GPC3: variants seen among roughly 807,000 people sequenced by gnomAD.
GPC3 encodes glypican 3, also known as glypican-3.
A neutral mutation model predicts 34.4 loss-of-function variants in GPC3; 3 were observed. The ratio of observed to expected loss-of-function variants is 0.09; its 90% CI spans 0.04 to 0.23. The LOEUF is 0.23. GPC3 is among the 10% of genes least tolerant of loss of function. The probability of loss-of-function intolerance (pLI) is 1.00; values close to 1 mark genes in which losing one functional copy is unlikely to be tolerated. For missense variants in GPC3, 351 were observed against 445.6 expected (o/e 0.79, Z 1.91); for synonymous variants, 177 against 174.0 (o/e 1.02, Z -0.13).
chrX:133,834,238 T>A (rs1308450126), intron 2 of GPC3, among the ~76,000 whole-genome samples: 1 of 111,513 alleles, frequency 9.0e-6, no homozygotes, highest in East Asian at 2.8e-4. Context: ...ACATGGCAGA[T>A]GCAGACTGCA....
intron 2 of GPC3, among the ~76,000 whole-genome samples, chrX:133,892,580 CT>C (rs2076092720): frequency 9.0e-6 from 1 of 110,762 alleles, no homozygotes; most frequent in East Asian, 2.8e-4. Context: ...GATGCTTGGA[CT>C]TTTTTGTTTT....
intron 7 of GPC3, among the ~76,000 whole-genome samples, chrX:133,536,618 T>A (rs993903473): frequency 9.1e-6 from 1 of 110,118 alleles, no homozygotes; most frequent in African/African-American, 3.3e-5. Flanking sequence ...CTTTGCAACA[T>A]CTCCTCCCAG....
rs187748455 is a variant in GPC3, at chrX:133,733,263, A to G, written c.1032+20219T>C. 7.2e-5 allele frequency among the ~76,000 whole-genome samples: 8 copies of G among 110,884 alleles called. No homozygotes were observed. In the East Asian group the frequency reaches 2.3e-3, roughly 32 times the overall value. On this transcript the variant is annotated intron_variant, in intron 3 of 7. Coordinates refer to ENST00000370818, the MANE Select transcript of GPC3 (RefSeq NM_004484.4). ...TATATACAAAGGCATGCAAAGTGAT[A>G]TAATGGACTTTAGGGACTCAGAAGG...
intron 2 of GPC3, among the ~76,000 whole-genome samples, chrX:133,767,172 T>G (rs995177446): frequency 2.7e-5 from 3 of 111,821 alleles, no homozygotes; most frequent in African/African-American, 9.8e-5. Flanking sequence ...TAAGTAAACT[T>G]AATACCTCAG....
intron 7 of GPC3, among the ~76,000 whole-genome samples, chrX:133,595,257 G>A (rs1020542622): frequency 1.1e-4 from 12 of 111,220 alleles, no homozygotes; most frequent in African/African-American, 3.9e-4. Context: ...GGGTGATAGG[G>A]TTTTAAGGAG....
At chrX:133,674,673 GAGTGACC>G (rs1224346975) in intron 5 of GPC3, among the ~76,000 whole-genome samples, 2 of 111,440 alleles carry the variant, frequency 1.8e-5, no homozygotes, top group Non-Finnish European at 3.8e-5. Flanking sequence ...AAAGTTTCCT[GAGTGACC>G]AGCTTTGGGT....
chrX:133,660,979 G>C (rs1277553098), intron 6 of GPC3, among the ~76,000 whole-genome samples: 1 of 110,421 alleles, frequency 9.1e-6, no homozygotes, highest in African/African-American at 3.3e-5. Context: ...GACCAGCCTG[G>C]GCAACATAGT....
chrX:133,762,668 C>A, intron 2 of GPC3: 1 of 300,181 alleles, frequency 3.3e-6, no homozygotes, highest in Non-Finnish European at 5.9e-6. Context: ...GATGAGATAC[C>A]ATCTCACACC....
At chrX:133,901,255 G>C (rs191543672) in intron 2 of GPC3, among the ~76,000 whole-genome samples, 7 of 110,560 alleles carry the variant, frequency 6.3e-5, no homozygotes, top group African/African-American at 2.3e-4. Context: ...CATTAACCTA[G>C]GTGAATTTTT....
At chrX:133,686,696 C>T (rs1251315501) in intron 5 of GPC3, among the ~76,000 whole-genome samples, 1 of 109,306 alleles carries the variant, frequency 9.1e-6, no homozygotes, top group Non-Finnish European at 1.9e-5. Flanking sequence ...GGTTGTACAA[C>T]ATTGTGAATG....
chrX:133,684,006 T>C (rs2070971715), intron 5 of GPC3, among the ~76,000 whole-genome samples: 2 of 112,456 alleles, frequency 1.8e-5, no homozygotes, highest in East Asian at 2.8e-4. Context: ...AAATATTTCA[T>C]GCTATACCAA....
chrX:133,773,914 C>T, intron 2 of GPC3, among the ~76,000 whole-genome samples: 1 of 111,824 alleles, frequency 8.9e-6, no homozygotes, highest in Admixed American at 9.5e-5. Flanking sequence ...TCCCTTCAAG[C>T]ATTGTAATTC....
chrX:133,927,431 G>T (rs2076280281), intron 2 of GPC3, among the ~76,000 whole-genome samples: 1 of 110,450 alleles, frequency 9.1e-6, no homozygotes, highest in African/African-American at 3.3e-5. Context: ...AGTGTATGCA[G>T]CTGACAATAT....
At chrX:133,847,860 G>T (rs183362759) in intron 2 of GPC3, among the ~76,000 whole-genome samples, 1 of 111,795 alleles carries the variant, frequency 8.9e-6, no homozygotes, top group East Asian at 2.8e-4. Context: ...ATGTACAAGA[G>T]AAGCTGACCA....
chrX:133,910,255 A>T (rs920688134), intron 2 of GPC3, among the ~76,000 whole-genome samples: 86 of 111,345 alleles, frequency 7.7e-4, no homozygotes, highest in Non-Finnish European at 1.2e-3. Context: ...GGTAATAAAA[A>T]ATTAAAAAAA....
At chrX:133,647,149 T>C (rs1338805365) in intron 6 of GPC3, among the ~76,000 whole-genome samples, 1 of 112,640 alleles carries the variant, frequency 8.9e-6, no homozygotes, top group Non-Finnish European at 1.9e-5. Context: ...GAAATTCATA[T>C]CTTTTCCATG....
intron 6 of GPC3, among the ~76,000 whole-genome samples, chrX:133,658,270 A>G (rs2070684753): frequency 8.9e-6 from 1 of 112,249 alleles, no homozygotes. Context: ...CTAACTATAA[A>G]AAGGACAAAC....
At chrX:133,652,696 T>G (rs2070615863) in intron 6 of GPC3, among the ~76,000 whole-genome samples, 1 of 111,610 alleles carries the variant, frequency 9.0e-6, no homozygotes, top group Non-Finnish European at 1.9e-5. Flanking sequence ...TTGCTATGTG[T>G]CAAATAAATC....
intron 7 of GPC3, among the ~76,000 whole-genome samples, chrX:133,586,861 C>T (rs762676782): frequency 2.3e-4 from 25 of 110,968 alleles, no homozygotes; most frequent in Non-Finnish European, 3.6e-4. Context: ...TATATATTTA[C>T]GGGGTACATA....
Sources: gnomAD v4.1 joint callset for allele counts (sites outside exome capture counted in the v4.1 genomes callset) on GRCh38, gnomAD v4.1.1 for gene constraint, MANE v1.5 for transcripts, NCBI Gene and HGNC (gene_info 2026-07-23, HGNC 2026-07-21) for gene names.